NFASC: variants seen among roughly 807,000 people sequenced by gnomAD.
The protein encoded by NFASC is neurofascin.
In NFASC, 43 loss-of-function variants were observed where a neutral mutation model predicts 147.5. That is an observed-to-expected ratio of 0.29 (90% CI 0.23 to 0.38). The LOEUF is 0.38. Ranked by LOEUF, NFASC falls within the 10% of genes least tolerant of loss-of-function variation. The pLI is 1.00. For missense variants in NFASC, 1,320 were observed against 1,689.0 expected (o/e 0.78, Z 3.83); for synonymous variants, 622 against 665.5 (o/e 0.93, Z 1.01).
At position 205,012,782 on chromosome 1, in the gene NFASC, C is replaced by T; in HGVS notation, c.3422-15C>T. On this transcript the variant is annotated splice_polypyrimidine_tract_variant and intron_variant, in intron 28 of 29. Transcript: ENST00000339876. ...AATCGTCGTGTCTGTGTCTTTGCTT[C>T]TCCTTTTGACCAAGTACGAGAAAAG... 6.2e-7 allele frequency: 1 copy of T among 1,602,116 alleles called. No homozygotes were observed. Among genetic ancestry groups the T allele is most frequent in the Non-Finnish European group, 8.6e-7 (1 of 1,169,034 alleles).
At chr1:204,966,355 T>C (rs939458854) in intron 8 of NFASC, among the ~76,000 whole-genome samples, 1 of 152,150 alleles carries the variant, frequency 6.6e-6, no homozygotes, top group Admixed American at 6.5e-5. Context: ...GCAGATTTCC[T>C]CCCAGTGTGG....
chr1:204,962,639 G>A (rs941060445), intron 8 of NFASC, among the ~76,000 whole-genome samples: 6 of 152,144 alleles, frequency 3.9e-5, no homozygotes, highest in Non-Finnish European at 7.3e-5. Flanking sequence ...CTTAGTTACC[G>A]GGAGTACCAT....
At chr1:204,873,548 C>T (rs2078139766) in intron 1 of NFASC, among the ~76,000 whole-genome samples, 2 of 152,206 alleles carry the variant, frequency 1.3e-5, no homozygotes, top group South Asian at 4.1e-4. Flanking sequence ...TCTGCTGGGG[C>T]CTCTGTTCCT....
chr1:205,012,052 AAAC>A (rs2096263904), intron 28 of NFASC, among the ~76,000 whole-genome samples: 1 of 152,102 alleles, frequency 6.6e-6, no homozygotes, highest in Admixed American at 6.5e-5. Context: ...GCAAAAAAAC[AAAC>A]AAAAAAAGAT....
intron 2 of NFASC, among the ~76,000 whole-genome samples, chr1:204,930,436 C>T (rs2092264941): frequency 6.6e-6 from 1 of 152,148 alleles, no homozygotes. Flanking sequence ...ATTTATTGTA[C>T]TGATTCATTG....
chr1:204,846,148 G>A (rs1409160880), intron 1 of NFASC, among the ~76,000 whole-genome samples: 1 of 151,642 alleles, frequency 6.6e-6, no homozygotes, highest in East Asian at 1.9e-4. Flanking sequence ...CTTGAGCCCA[G>A]GAGTTTGAGG....
chr1:204,932,364 A>G (rs1242153571), intron 2 of NFASC, among the ~76,000 whole-genome samples: 1 of 152,210 alleles, frequency 6.6e-6, no homozygotes, highest in African/African-American at 2.4e-5. Context: ...TTTGTAAAAG[A>G]TAAGAGGCAG....
At chr1:204,856,418 T>TGTGTGTGTGTGA (rs1320968276) in intron 1 of NFASC, among the ~76,000 whole-genome samples, 14 of 151,062 alleles carry the variant, frequency 9.3e-5, no homozygotes, top group African/African-American at 2.9e-4. Context: ...TGTGTGTGTG[T>TGTGTGTGTGTGA]GATTGTGTGA....
At chr1:204,876,991 AATATGT>A (rs1424083483) in intron 1 of NFASC, among the ~76,000 whole-genome samples, 6 of 60,080 alleles carry the variant, frequency 1.0e-4, no homozygotes, top group East Asian at 1.3e-3. Context: ...GAGTTGGCTA[AATATGT>A]ATATATATAT....
At chr1:204,996,712 T>C (rs2095851903) in intron 24 of NFASC, among the ~76,000 whole-genome samples, 1 of 152,104 alleles carries the variant, frequency 6.6e-6, no homozygotes, top group African/African-American at 2.4e-5. Context: ...GGCAGGCCAC[T>C]CTAGGCCTCT....
At chr1:204,843,882 T>TTA (rs1487059062) in intron 1 of NFASC, among the ~76,000 whole-genome samples, 3 of 152,118 alleles carry the variant, frequency 2.0e-5, no homozygotes, top group African/African-American at 7.2e-5. Context: ...CAGCTAATTT[T>TTA]GTATTTTTAC....
intron 10 of NFASC, among the ~76,000 whole-genome samples, chr1:204,970,074 C>CAAAA (rs11307141): frequency 5.0e-4 from 33 of 65,448 alleles, no homozygotes; most frequent in African/African-American, 8.9e-4. Flanking sequence ...GACTCCATCT[C>CAAAA]AAAAAAAAAA....
chr1:205,004,553 G>A (rs560352513), intron 27 of NFASC, among the ~76,000 whole-genome samples: 2 of 152,342 alleles, frequency 1.3e-5, no homozygotes, highest in East Asian at 3.9e-4. Flanking sequence ...AGGCTGGCTG[G>A]AAATTACTGT....
chr1:204,975,202 A>G lies in NFASC; in HGVS notation c.1559-69A>G. ...AAGGCCTCGAGGGCAGACATATGCCACTTTGTGGCCGCATGGGGATGCTGG... is the reference window on the plus strand; with the variant it reads ...AAGGCCTCGAGGGCAGACATATGCCGCTTTGTGGCCGCATGGGGATGCTGG... On this transcript the variant is annotated intron_variant, in intron 14 of 29. Coordinates refer to ENST00000339876, the MANE Select transcript of NFASC (RefSeq NM_001005388.3). This position sits in a 1 kb window ranked among gnomAD's most constrained non-coding sequence, Gnocchi z 4.0. 1 of 1,536,270 alleles carries G rather than the reference A, an allele frequency of 6.5e-7. No homozygotes were observed. Among genetic ancestry groups the G allele is most frequent in the Non-Finnish European group, 8.8e-7 (1 of 1,136,896 alleles).
chr1:204,914,020 T>C (rs770248067), intron 1 of NFASC, among the ~76,000 whole-genome samples: 1 of 150,426 alleles, frequency 6.6e-6, no homozygotes, highest in Non-Finnish European at 1.5e-5. Flanking sequence ...ATAGAAAAGA[T>C]CCAATCAACT....
At position 205,019,958 on chromosome 1, in the gene NFASC, G is replaced by A. The variant is rs1344254356; in HGVS notation, c.*3419G>A. 2.0e-5 allele frequency: 3 copies of A among 152,240 alleles called. No individual in the cohort carries two copies. Among genetic ancestry groups the A allele is most frequent in the Non-Finnish European group, 4.4e-5 (3 of 68,060 alleles). The allele number at this position is 152,240 out of a possible 1,614,324, so 9.4% of individuals were successfully genotyped here. A position where few individuals can be genotyped will look rare whatever the true frequency, so the allele number is the denominator to read the frequency against. ...GGGAAGTACACTGCCATCGGTCAGG[G>A]GACAGCTGCCTCCCACCTTGCCTGG... On this transcript the variant is annotated 3_prime_UTR_variant, in exon 30 of 30. Coordinates refer to ENST00000339876, the MANE Select transcript of NFASC (RefSeq NM_001005388.3).
intron 1 of NFASC, among the ~76,000 whole-genome samples, chr1:204,829,926 G>C (rs1378244700): frequency 1.3e-5 from 2 of 152,068 alleles, no homozygotes; most frequent in African/African-American, 4.8e-5. Flanking sequence ...GAATCACCTA[G>C]AATCTGGTCC....
rs1001933295 is a variant in NFASC, at chr1:204,974,674, G to A, written c.1409G>A (p.Gly470Glu). 9.3e-6 allele frequency: 15 copies of A among 1,614,230 alleles called. No individual in the cohort carries two copies. The highest frequency in any genetic ancestry group is 1.2e-5 in the Non-Finnish European group (14 of 1,180,046). The change falls in exon 14 of 30, where the codon GGA (glycine) becomes GAA (glutamate). Residue 470 changes from glycine to glutamate, a missense_variant. By Grantham distance (98) the Gly-to-Glu change is moderately conservative. Coordinates refer to ENST00000339876, the MANE Select transcript of NFASC (RefSeq NM_001005388.3). Reference protein sequence around the residue: ...PTLRWFKNGQGSNLDGGNYHV... With the variant: ...PTLRWFKNGQESNLDGGNYHV... ...GTTGTGAGGTTTAAGAATGGGCAAG[G>A]AAGCAACCTGGATGGTGGCAACTAC...
At chr1:204,834,404 A>G (rs1031158386) in intron 1 of NFASC, among the ~76,000 whole-genome samples, 5 of 152,152 alleles carry the variant, frequency 3.3e-5, no homozygotes, top group Non-Finnish European at 5.9e-5. Context: ...GCCATGAAAA[A>G]GTTGGAGTGC....
Sources: gnomAD v4.1 joint callset for allele counts (sites outside exome capture counted in the v4.1 genomes callset) on GRCh38, gnomAD v4.1.1 for gene constraint, Gnocchi (gnomAD v3.1) non-coding constraint, MANE v1.5 for transcripts, NCBI Gene and HGNC (gene_info 2026-07-23, HGNC 2026-07-21) for gene names.